The following POLK variants were observed in gnomAD, a reference collection of about 807,000 sequenced individuals.
POLK encodes polymerase (DNA directed) kappa.
A neutral mutation model predicts 94.0 loss-of-function variants in POLK; 76 were observed. The observed-to-expected ratio is 0.81, with a 90% CI of 0.67 to 0.98. The LOEUF (loss-of-function observed/expected upper bound fraction) is 0.98. Ranked by LOEUF, POLK falls within the 50% of genes least tolerant of loss-of-function variation. The pLI is 0.00. For missense variants in POLK, 954 were observed against 1,010.1 expected, an observed-to-expected ratio of 0.94 and a Z score of 0.75; for synonymous variants, 349 against 325.4, an observed-to-expected ratio of 1.07 and a Z score of -0.78.
At chr5:75,586,721 C>G (rs1317144950) in intron 9 of POLK, among the ~76,000 whole-genome samples, 3 of 151,986 alleles carry the variant, frequency 2.0e-5, no homozygotes, top group African/African-American at 7.3e-5. Flanking sequence ...CTATCACTTC[C>G]TATTTGTTTT....
chr5:75,605,772 G>T (rs1422737435), downstream of POLK, among the ~76,000 whole-genome samples: 2 of 152,160 alleles, frequency 1.3e-5, no homozygotes, highest in Non-Finnish European at 2.9e-5. Flanking sequence ...GGGACACCAA[G>T]GTTTATACCT....
At chr5:75,569,343 G>C in exon 4 of POLK, 1 of 1,604,510 alleles carries the variant, frequency 6.2e-7, no homozygotes, top group Non-Finnish European at 8.5e-7. Flanking sequence ...AATTAAGGTT[G>C]ACAGATTTGC....
chr5:75,538,918 G>C (rs1335073384), intron 1 of POLK, among the ~76,000 whole-genome samples: 2 of 152,178 alleles, frequency 1.3e-5, no homozygotes, highest in South Asian at 2.1e-4. Flanking sequence ...TTACAGGCAT[G>C]TGCCACCATG....
chr5:75,571,158 T>C (rs146715336), intron 4 of POLK, among the ~76,000 whole-genome samples: 1 of 152,286 alleles, frequency 6.6e-6, no homozygotes, highest in East Asian at 1.9e-4. Flanking sequence ...AATTCAAAAT[T>C]ATTGTTATAT....
chr5:75,545,323 T>C (rs1261844928), intron 1 of POLK, among the ~76,000 whole-genome samples: 1 of 152,230 alleles, frequency 6.6e-6, no homozygotes, highest in Non-Finnish European at 1.5e-5. Context: ...TTTAGATTCA[T>C]GACAGCTGTT....
At chr5:75,539,596 A>G (rs1769632155) in intron 1 of POLK, among the ~76,000 whole-genome samples, 1 of 152,112 alleles carries the variant, frequency 6.6e-6, no homozygotes, top group African/African-American at 2.4e-5. Context: ...ACTAGGCTTC[A>G]GAGATACTCC....
chr5:75,521,719 T>TA (rs1270102863), intron 1 of POLK, among the ~76,000 whole-genome samples: 3 of 152,362 alleles, frequency 2.0e-5, no homozygotes, highest in Admixed American at 2.0e-4. Flanking sequence ...GTTTGGTTTT[T>TA]ATTGGACATG....
At chr5:75,539,420 A>G (rs982938174) in intron 1 of POLK, among the ~76,000 whole-genome samples, 1 of 152,196 alleles carries the variant, frequency 6.6e-6, no homozygotes, top group Non-Finnish European at 1.5e-5. Context: ...ATTCATCAAT[A>G]TTAAACAACT....
downstream of POLK, among the ~76,000 whole-genome samples, chr5:75,604,449 T>C (rs1444601989): frequency 1.3e-5 from 2 of 152,198 alleles, no homozygotes; most frequent in Non-Finnish European, 2.9e-5. Flanking sequence ...TGATCATAAC[T>C]CACTGCAGCC....
Position 75,553,647 on chromosome 5 carries a change from C to T in POLK, c.255+1056C>T, listed in dbSNP as rs193083130. Among the ~76,000 whole-genome samples, 103 of 152,220 alleles carry T rather than the reference C, an allele frequency of 6.8e-4. 3 individuals carry two copies. In the South Asian group the frequency reaches 0.019, roughly 29 times the overall value. ...CTTGGTTTCAGTTTTTTATTTCATA[C>T]GCAACCCTGTGATTATCATTCTTAT... is the stretch of plus-strand genomic sequence containing the variant. On this transcript the variant is annotated intron_variant, in intron 3 of 14. Coordinates refer to ENST00000241436, the Ensembl canonical transcript of POLK.
chr5:75,607,373 C>T, the POLK span, among the ~76,000 whole-genome samples: 1 of 149,566 alleles, frequency 6.7e-6, no homozygotes, highest in Admixed American at 6.8e-5. Flanking sequence ...GAGGCTGAGG[C>T]AAGAGAATCG....
intron 5 of POLK, among the ~76,000 whole-genome samples, chr5:75,575,015 T>A (rs1771799356): frequency 6.6e-6 from 1 of 152,258 alleles, no homozygotes; most frequent in Non-Finnish European, 1.5e-5. Context: ...GTTATTTTAG[T>A]CTGGTTATTT....
chr5:75,604,001 T>TATGG (rs1773360157), downstream of POLK, among the ~76,000 whole-genome samples: 3 of 152,212 alleles, frequency 2.0e-5, no homozygotes, highest in Non-Finnish European at 4.4e-5. Context: ...ATCTCTGAAT[T>TATGG]CCAAGTATGA....
At chr5:75,599,260 T>TTGC (rs1773234707) in exon 15 of POLK, 1 of 151,984 alleles carries the variant, frequency 6.6e-6, no homozygotes, top group African/African-American at 2.4e-5. Flanking sequence ...AATATAATAA[T>TTGC]AGTTATTATT....
At chr5:75,528,747 G>A (rs1768991374) in intron 1 of POLK, among the ~76,000 whole-genome samples, 1 of 152,182 alleles carries the variant, frequency 6.6e-6, no homozygotes, top group Non-Finnish European at 1.5e-5. Flanking sequence ...GAAGTTCGAG[G>A]TTACAGTGAG....
chr5:75,544,925 C>A (rs1243264702), intron 1 of POLK, among the ~76,000 whole-genome samples: 1 of 152,116 alleles, frequency 6.6e-6, no homozygotes, highest in African/African-American at 2.4e-5. Context: ...AACCTATATT[C>A]CCCTGGGCAC....
At chr5:75,586,876 GT>G (rs1353577420) in intron 9 of POLK, 149 bp from the exon 10 acceptor site, 1 of 571,786 alleles carries the variant, frequency 1.7e-6, no homozygotes, top group Non-Finnish European at 3.1e-6. Flanking sequence ...TTGGTGATTT[GT>G]TTTTAGATAA....
chr5:75,607,467 C>CAAA, the POLK span, among the ~76,000 whole-genome samples: 14 of 59,838 alleles, frequency 2.3e-4, no homozygotes, highest in Admixed American at 1.9e-3. Flanking sequence ...GACCTTGTCT[C>CAAA]AAAAAAAAAA....
At chr5:75,568,400 T>A (rs1771398157) in intron 3 of POLK, among the ~76,000 whole-genome samples, 1 of 152,170 alleles carries the variant, frequency 6.6e-6, no homozygotes, top group African/African-American at 2.4e-5. Context: ...GCTGGGAAAG[T>A]GAGTATTTAG....
Sources: allele counts gnomAD v4.1 joint callset (sites outside exome capture counted in the v4.1 genomes callset), GRCh38; gene constraint gnomAD v4.1.1; transcripts MANE v1.5; gene names NCBI Gene and HGNC (gene_info 2026-07-23, HGNC 2026-07-21).